SEMA3A: variants seen among roughly 807,000 people sequenced by gnomAD.
The protein encoded by SEMA3A is semaphorin-3A.
A neutral mutation model predicts 97.9 loss-of-function variants in SEMA3A; 29 were observed. The observed-to-expected ratio is 0.30, with a 90% CI of 0.22 to 0.40. SEMA3A has a LOEUF of 0.40. Ranked by LOEUF, SEMA3A falls within the 10% of genes least tolerant of loss-of-function variation. The pLI is 1.00. For synonymous variants in SEMA3A, 321 were observed against 323.7 expected (o/e 0.99, Z 0.09); for missense variants, 763 against 951.3 (o/e 0.80, Z 2.60).
At chr7:84,321,818 G>A (rs1012183232) in intron 2 of SEMA3A, among the ~76,000 whole-genome samples, 3 of 131,684 alleles carry the variant, frequency 2.3e-5, no homozygotes, top group African/African-American at 8.5e-5. Flanking sequence ...AGGGGTTGCA[G>A]TGAGCCAAGA....
intron 3 of SEMA3A, among the ~76,000 whole-genome samples, chr7:84,256,805 CT>C (rs1799728704): frequency 6.6e-6 from 1 of 151,972 alleles, no homozygotes; most frequent in African/African-American, 2.4e-5. Flanking sequence ...ATTCTAAACC[CT>C]ATAATGACTT....
Position 84,429,543 on chromosome 7 carries a change from T to G in SEMA3A, c.-245-57643A>C, listed in dbSNP as rs1252131867. ...ATATATATATATATATATATATATATATATAGCGAGAGAGAGAGAGAGAGA... is the reference window on the plus strand; with the variant it reads ...ATATATATATATATATATATATATAGATATAGCGAGAGAGAGAGAGAGAGA... On this transcript the variant is annotated intron_variant, in intron 1 of 3. Coordinates refer to the SEMA3A transcript ENST00000424555. Among the ~76,000 whole-genome samples, 53 of 121,692 alleles carry G rather than the reference T, an allele frequency of 4.4e-4. 2 individuals are homozygous for G. Among genetic ancestry groups the G allele is most frequent in the African/African-American group, 1.4e-3 (47 of 32,504 alleles). The allele number at this position is 121,692 out of a possible 152,430, so 79.8% of individuals were successfully genotyped here. A position where few individuals can be genotyped will look rare whatever the true frequency, so the allele number is the denominator to read the frequency against.
intron 1 of SEMA3A, among the ~76,000 whole-genome samples, chr7:84,406,915 T>C (rs199732525): frequency 6.6e-6 from 1 of 151,512 alleles, no homozygotes; most frequent in African/African-American, 2.4e-5. Flanking sequence ...ATAATAAGAG[T>C]TATCTATGAC....
intron 3 of SEMA3A, among the ~76,000 whole-genome samples, chr7:84,210,452 G>A (rs1798600069): frequency 1.3e-5 from 2 of 152,102 alleles, no homozygotes; most frequent in African/African-American, 4.8e-5. Context: ...GCGTGTGTGA[G>A]TGCAGGAAAT....
At chr7:84,253,946 C>A (rs1280652591) in intron 3 of SEMA3A, among the ~76,000 whole-genome samples, 2 of 152,070 alleles carry the variant, frequency 1.3e-5, no homozygotes, top group Admixed American at 6.6e-5. Flanking sequence ...CAGAAAGATG[C>A]AAGAGCTTGA....
At chr7:84,105,602 T>A (rs1795085180) in intron 4 of SEMA3A, among the ~76,000 whole-genome samples, 2 of 152,266 alleles carry the variant, frequency 1.3e-5, no homozygotes, top group Non-Finnish European at 2.9e-5. Flanking sequence ...CCTTTTTTTT[T>A]ATTTTAGATT....
Position 84,149,364 on chromosome 7 carries a change from G to C in SEMA3A, c.113-14413C>G, listed in dbSNP as rs145463992. ...TATTTAGAAATGTTCTAAGATTGAA[G>C]TTAAATATTATGTGAGCCAGGTTTG... On this transcript the variant is annotated intron_variant, in intron 1 of 16. Coordinates refer to ENST00000265362, the MANE Select transcript of SEMA3A (RefSeq NM_006080.3). 9.6e-3 allele frequency among the ~76,000 whole-genome samples: 1,459 copies of C among 152,266 alleles called. 26 individuals carry two copies. Among genetic ancestry groups the C allele is most frequent in the African/African-American group, 0.034 (1,409 of 41,542 alleles).
At chr7:84,383,830 T>A (rs1803329727) in intron 1 of SEMA3A, among the ~76,000 whole-genome samples, 1 of 152,180 alleles carries the variant, frequency 6.6e-6, no homozygotes, top group Admixed American at 6.5e-5. Context: ...GAGAGAAAAC[T>A]TTCAGAAATT....
chr7:84,238,226 C>T (rs1799279995), intron 3 of SEMA3A, among the ~76,000 whole-genome samples: 1 of 152,102 alleles, frequency 6.6e-6, no homozygotes, highest in African/African-American at 2.4e-5. Flanking sequence ...ACCACCACAC[C>T]AGGCTAATTT....
chr7:83,987,016 A>G (rs1470255159), intron 12 of SEMA3A, among the ~76,000 whole-genome samples: 10 of 151,396 alleles, frequency 6.6e-5, no homozygotes, highest in South Asian at 4.2e-4. Flanking sequence ...ATGCATTTCC[A>G]TCTCATTTCC....
At position 84,008,490 on chromosome 7, in the gene SEMA3A, C is replaced by CAAA. The variant is rs752729583; in HGVS notation, c.996-996_996-994dup. 8.2e-3 allele frequency among the ~76,000 whole-genome samples: 663 copies of CAAA among 81,126 alleles called. 11 individuals are homozygous for CAAA. Among genetic ancestry groups the CAAA allele is most frequent in the African/African-American group, 0.026 (626 of 23,784 alleles). The allele number at this position is 81,126 out of a possible 152,430, so 53.2% of individuals were successfully genotyped here. A position where few individuals can be genotyped will look rare whatever the true frequency, so the allele number is the denominator to read the frequency against. ...TGGGCTACAGAACAAGACTCCGTCT[C>CAAA]AAAAAAAAAAAAAAAAAAGAAAGAA... On this transcript the variant is annotated intron_variant, in intron 9 of 16. Coordinates refer to ENST00000265362, the MANE Select transcript of SEMA3A (RefSeq NM_006080.3).
intron 1 of SEMA3A, among the ~76,000 whole-genome samples, chr7:84,471,091 A>G (rs1424304904): frequency 6.6e-6 from 1 of 152,098 alleles, no homozygotes; most frequent in Non-Finnish European, 1.5e-5. Context: ...GAGGTTCATA[A>G]CCAGCAATAC....
chr7:84,164,911 A>G (rs913411190), intron 1 of SEMA3A, among the ~76,000 whole-genome samples: 1 of 152,202 alleles, frequency 6.6e-6, no homozygotes, highest in African/African-American at 2.4e-5. Flanking sequence ...GTATTTTAGA[A>G]TATGCTCTAG....
At chr7:84,138,692 A>C (rs1796215048) in intron 1 of SEMA3A, among the ~76,000 whole-genome samples, 1 of 152,046 alleles carries the variant, frequency 6.6e-6, no homozygotes, top group Non-Finnish European at 1.5e-5. Flanking sequence ...AATGTGCTTA[A>C]TTTTGTCTCA....
intron 11 of SEMA3A, 86 bp downstream of exon 11, chr7:84,005,253 C>T: frequency 9.9e-7 from 1 of 1,015,112 alleles, no homozygotes; most frequent in South Asian, 1.4e-5. Context: ...GGTTGGCATC[C>T]CAACCCCTGA....
intron 1 of SEMA3A, among the ~76,000 whole-genome samples, chr7:84,439,189 T>G (rs1450087711): frequency 1.3e-5 from 2 of 152,068 alleles, no homozygotes; most frequent in Non-Finnish European, 2.9e-5. Flanking sequence ...CAAATGGCTT[T>G]TCTTCTTTCT....
intron 3 of SEMA3A, among the ~76,000 whole-genome samples, chr7:84,125,394 A>G (rs1331544633): frequency 6.6e-6 from 1 of 152,224 alleles, no homozygotes; most frequent in Admixed American, 6.5e-5. Flanking sequence ...AAAATTCATA[A>G]ACATTTTTAG....
intron 3 of SEMA3A, among the ~76,000 whole-genome samples, chr7:84,253,816 T>G (rs982648975): frequency 1.3e-5 from 2 of 152,180 alleles, no homozygotes; most frequent in Non-Finnish European, 2.9e-5. Context: ...ACCTGGTTGC[T>G]GCTGGTCATC....
intron 1 of SEMA3A, among the ~76,000 whole-genome samples, chr7:84,428,593 T>C (rs1228895): frequency 0.18 from 26,968 of 151,978 alleles, 2,529 homozygotes; most frequent in Middle Eastern, 0.24. Context: ...ATTTCTTCTC[T>C]ATTATTGCTT....
Sources: gnomAD v4.1 joint callset for allele counts (sites outside exome capture counted in the v4.1 genomes callset) on GRCh38, gnomAD v4.1.1 for gene constraint, MANE v1.5 for transcripts, NCBI Gene and HGNC (gene_info 2026-07-23, HGNC 2026-07-21) for gene names.